CSMD1: variants seen among roughly 807,000 people sequenced by gnomAD.
CSMD1 encodes the protein CUB and Sushi multiple domains 1.
Under a neutral mutation model 417.5 loss-of-function variants are expected in CSMD1, and 213 were observed. That is an observed-to-expected ratio of 0.51 (90% CI 0.46 to 0.57). The LOEUF is 0.57. Among genes scored for constraint, CSMD1 ranks in the 20% least tolerant of loss-of-function variants. The pLI is 0.00. For synonymous variants in CSMD1, 2,862 were observed against 1,736.8 expected (o/e 1.65, Z -16.11); for missense variants, 6,923 against 4,529.7 (o/e 1.53, Z -15.17).
intron 48 of CSMD1, among the ~76,000 whole-genome samples, chr8:3,090,361 T>C (rs1364715895): frequency 6.6e-6 from 1 of 151,758 alleles, no homozygotes. Flanking sequence ...TATCTATTTT[T>C]TGGAACAAGG....
At chr8:4,053,538 A>G (rs943641898) in intron 3 of CSMD1, among the ~76,000 whole-genome samples, 2 of 151,942 alleles carry the variant, frequency 1.3e-5, no homozygotes, top group African/African-American at 2.4e-5. Flanking sequence ...TGTTATCTCA[A>G]GTGGTTTTCT....
intron 3 of CSMD1, among the ~76,000 whole-genome samples, chr8:4,194,360 A>G (rs1433408924): frequency 2.0e-5 from 3 of 152,180 alleles, no homozygotes; most frequent in African/African-American, 7.2e-5. Flanking sequence ...CTAATTTGCC[A>G]TGTTGATATT....
chr8:3,089,331 G>C (rs1814765714), intron 48 of CSMD1, among the ~76,000 whole-genome samples: 1 of 152,224 alleles, frequency 6.6e-6, no homozygotes, highest in African/African-American at 2.4e-5. Flanking sequence ...GCCCAATACA[G>C]AAGCTTTCAT....
intron 1 of CSMD1, among the ~76,000 whole-genome samples, chr8:4,920,465 C>A (rs1806360932): frequency 6.6e-6 from 1 of 152,254 alleles, no homozygotes; most frequent in Middle Eastern, 3.4e-3. Context: ...AAGTATATGT[C>A]TGCAGCAAGA....
At chr8:3,559,842 G>C (rs749395801) in intron 10 of CSMD1, among the ~76,000 whole-genome samples, 10 of 152,150 alleles carry the variant, frequency 6.6e-5, no homozygotes, top group Admixed American at 6.5e-4. Context: ...CATATGGCAA[G>C]ACTACTAAGA....
At chr8:4,126,392 T>G (rs541638056) in intron 3 of CSMD1, among the ~76,000 whole-genome samples, 2 of 152,162 alleles carry the variant, frequency 1.3e-5, no homozygotes, top group Non-Finnish European at 2.9e-5. Context: ...CACACCAGAA[T>G]GGTGCCAAAC....
chr8:4,201,626 C>G (rs1799652863), intron 3 of CSMD1, among the ~76,000 whole-genome samples: 2 of 138,320 alleles, frequency 1.4e-5, no homozygotes. Flanking sequence ...ATATAAAATA[C>G]AAATAAGCCT....
intron 23 of CSMD1, among the ~76,000 whole-genome samples, chr8:3,336,265 G>A (rs959323191): frequency 3.9e-5 from 6 of 152,090 alleles, no homozygotes; most frequent in African/African-American, 1.4e-4. Context: ...GCAACTTGGG[G>A]TATTATGAGT....
chr8:4,626,592 T>C (rs1802130987), intron 2 of CSMD1, among the ~76,000 whole-genome samples: 1 of 151,916 alleles, frequency 6.6e-6, no homozygotes, highest in East Asian at 1.9e-4. Flanking sequence ...GCCAAGGAAA[T>C]CCAGTCAGGG....
At chr8:4,303,772 C>T (rs144628635) in intron 3 of CSMD1, among the ~76,000 whole-genome samples, 1 of 152,094 alleles carries the variant, frequency 6.6e-6, no homozygotes, top group African/African-American at 2.4e-5. Context: ...TCTCCTGCCT[C>T]AGCCTCCTGA....
chr8:4,461,307 T>G (rs2129947996), intron 2 of CSMD1, among the ~76,000 whole-genome samples: 1 of 152,096 alleles, frequency 6.6e-6, no homozygotes, highest in East Asian at 1.9e-4. Context: ...ATTTTCTGCC[T>G]AAAATCAGCA....
intron 55 of CSMD1, among the ~76,000 whole-genome samples, chr8:2,977,347 T>C (rs567093226): frequency 6.6e-6 from 1 of 152,170 alleles, no homozygotes. Context: ...TGAGAATTTG[T>C]GGTGTTTGGT....
chr8:3,192,719 G>C (rs904858361), intron 33 of CSMD1, among the ~76,000 whole-genome samples: 2 of 152,116 alleles, frequency 1.3e-5, no homozygotes, highest in Non-Finnish European at 2.9e-5. Context: ...AGTGTTGACT[G>C]CATTTTCTAT....
intron 12 of CSMD1, among the ~76,000 whole-genome samples, chr8:3,443,085 G>A (rs1159834507): frequency 2.6e-5 from 4 of 152,128 alleles, no homozygotes; most frequent in African/African-American, 9.7e-5. Flanking sequence ...CAAGGCCATG[G>A]ACTTGCATTT....
intron 5 of CSMD1, among the ~76,000 whole-genome samples, chr8:3,933,541 A>G (rs962972515): frequency 6.6e-6 from 1 of 152,156 alleles, no homozygotes; most frequent in Non-Finnish European, 1.5e-5. Context: ...GAGAAGAAAG[A>G]GATGAGAGTC....
intron 1 of CSMD1, among the ~76,000 whole-genome samples, chr8:4,777,962 G>A (rs998118719): frequency 2.6e-5 from 4 of 152,110 alleles, no homozygotes; most frequent in African/African-American, 7.2e-5. Context: ...TGACAAATAC[G>A]TTTTACATAG....
In CSMD1 at chr8:3,325,839, C is replaced by G. The variant is rs919260684; in HGVS notation, c.3632-17336G>C. Among the ~76,000 whole-genome samples, 21 of 151,922 alleles carry G rather than the reference C, an allele frequency of 1.4e-4. 1 individual carries two copies. Among genetic ancestry groups the G allele is most frequent in the African/African-American group, 4.6e-4 (19 of 41,368 alleles). ...GCTCCGTCTCAAACAAAAACAAAAA[C>G]AAAAACAAAACAAAAACCCAAAAAT... On this transcript the variant is annotated intron_variant, in intron 23 of 69. Transcript: ENST00000635120.
At chr8:4,674,177 T>C (rs1030326459) in intron 1 of CSMD1, among the ~76,000 whole-genome samples, 14 of 152,160 alleles carry the variant, frequency 9.2e-5, no homozygotes, top group African/African-American at 3.4e-4. Flanking sequence ...ATCGATCTAA[T>C]GGTCAGACCT....
At position 3,162,140 on chromosome 8, in the gene CSMD1, G is replaced by A. The variant is rs1156974137; in HGVS notation, c.5844+19C>T. ...ATGACCATGTGTATGTTATTCCTGA[G>A]CACTGAGAAGAAGGATACCTGCAGG... On this transcript the variant is annotated intron_variant, in intron 38 of 69. Coordinates refer to ENST00000635120, the MANE Select transcript of CSMD1 (RefSeq NM_033225.6). 2.0e-6 allele frequency: 3 copies of A among 1,473,004 alleles called. No homozygotes were observed. Among genetic ancestry groups the A allele is most frequent in the Non-Finnish European group, 2.8e-6 (3 of 1,063,098 alleles). 91.2% of individuals were successfully genotyped at this position (1,473,004 alleles called of 1,614,324 possible).
Sources: gnomAD v4.1 joint callset for allele counts (sites outside exome capture counted in the v4.1 genomes callset) on GRCh38, gnomAD v4.1.1 for gene constraint, MANE v1.5 for transcripts, NCBI Gene and HGNC (gene_info 2026-07-23, HGNC 2026-07-21) for gene names.